The following KAZN variants were observed in gnomAD, a reference collection of about 807,000 sequenced individuals.
KAZN encodes the protein kazrin.
KAZN carries 40 observed loss-of-function variants against 87.4 expected under a neutral mutation model. That is an observed-to-expected ratio of 0.46 (90% CI 0.36 to 0.60). The LOEUF is 0.60. Among genes scored for constraint, KAZN ranks in the 20% least tolerant of loss-of-function variants. The pLI is 0.00. For synonymous variants in KAZN, 466 were observed against 458.3 expected, an observed-to-expected ratio of 1.02 and a Z score of -0.22; for missense variants, 898 against 1,073.9, an observed-to-expected ratio of 0.84 and a Z score of 2.29.
At chr1:13,957,091 C>T (rs1641577488) in intron 1 of KAZN, among the ~76,000 whole-genome samples, 1 of 152,066 alleles carries the variant, frequency 6.6e-6, no homozygotes, top group African/African-American at 2.4e-5. Context: ...AGAAGAAATC[C>T]TGCCTTGTGT....
rs146979118 is a variant in KAZN, at chr1:14,708,108, C to G, written c.226+108885C>G. Among the ~76,000 whole-genome samples the G allele has an allele frequency of 4.7e-3, 720 of 152,278 alleles. 4 individuals carry two copies. The highest frequency in any genetic ancestry group is 0.016 in the African/African-American group (670 of 41,548). ...GGCTCGGCTTTTGGATTTTCCTCTT[C>G]CCAGAGGTGGATACTTTAGTGATGC... On this transcript the variant is annotated intron_variant, in intron 1 of 14. Coordinates refer to ENST00000376030, the MANE Select transcript of KAZN (RefSeq NM_201628.3).
chr1:15,055,967 G>T (rs966551614), intron 4 of KAZN, 124 bp from the exon 5 acceptor site: 3 of 921,836 alleles, frequency 3.3e-6, no homozygotes, highest in Non-Finnish European at 3.3e-6. Context: ...GCTCGATGCC[G>T]AGCCAGCAAT....
At chr1:15,068,775 C>A (rs577622108) in intron 8 of KAZN, among the ~76,000 whole-genome samples, 1 of 152,038 alleles carries the variant, frequency 6.6e-6, no homozygotes, top group Non-Finnish European at 1.5e-5. Context: ...ATAGTCAGTA[C>A]CCTCAATCTC....
intron 1 of KAZN, among the ~76,000 whole-genome samples, chr1:14,749,638 G>A (rs1644357639): frequency 6.6e-6 from 1 of 152,178 alleles, no homozygotes; most frequent in Non-Finnish European, 1.5e-5. Flanking sequence ...ATTCCCAGTA[G>A]GTTGGTTTTT....
intron 2 of KAZN, among the ~76,000 whole-genome samples, chr1:14,985,135 C>CAA (rs1164946882): frequency 1.2e-5 from 1 of 86,800 alleles, no homozygotes. Context: ...GACTCTGTCT[C>CAA]AAAAAAAAAA....
intron 1 of KAZN, among the ~76,000 whole-genome samples, chr1:14,876,157 G>A (rs1222455313): frequency 6.6e-6 from 1 of 152,242 alleles, no homozygotes; most frequent in Non-Finnish European, 1.5e-5. Flanking sequence ...GCTTGCCGCG[G>A]AGGTGAGAAA....
At chr1:14,568,567 T>C (rs939404794) in intron 2 of KAZN, among the ~76,000 whole-genome samples, 2 of 152,170 alleles carry the variant, frequency 1.3e-5, no homozygotes, top group Admixed American at 6.5e-5. Flanking sequence ...TTCACTATCA[T>C]GAGAACAGCA....
rs776806917 is a variant in KAZN at position 15,094,410 on chromosome 1, G to A, written c.1428+25G>A. On this transcript the variant is annotated intron_variant, in intron 9 of 14. Transcript: ENST00000376030. The surrounding 1 kb of genome is among the most constrained non-coding windows in gnomAD (Gnocchi z 4.5). Reference sequence around the variant, plus strand: ...GGTAGGCAACTCCGGGCCCCCTATGGGATGCCACCCATGCCCTCTGTGAGC... The same window carrying A: ...GGTAGGCAACTCCGGGCCCCCTATGAGATGCCACCCATGCCCTCTGTGAGC... 4 of 1,593,944 alleles carry A rather than the reference G, an allele frequency of 2.5e-6. No homozygotes were observed. Among genetic ancestry groups the A allele is most frequent in the South Asian group, 2.3e-5 (2 of 88,724 alleles).
At chr1:14,213,898 C>T (rs182608409) in intron 2 of KAZN, among the ~76,000 whole-genome samples, 19 of 152,196 alleles carry the variant, frequency 1.2e-4, no homozygotes, top group Admixed American at 2.0e-4. Context: ...AGAACCAACA[C>T]GATTTACTGA....
At chr1:14,907,275 G>A (rs137998402) in intron 1 of KAZN, among the ~76,000 whole-genome samples, 360 of 151,810 alleles carry the variant, frequency 2.4e-3, no homozygotes, top group African/African-American at 8.1e-3. Flanking sequence ...GGTGGTGCAC[G>A]CTTGTAGTCC....
intron 2 of KAZN, among the ~76,000 whole-genome samples, chr1:14,415,062 A>G (rs1183882472): frequency 6.6e-6 from 1 of 152,220 alleles, no homozygotes. Flanking sequence ...CATACAAAAA[A>G]GGAACACAGA....
intron 1 of KAZN, among the ~76,000 whole-genome samples, chr1:14,946,494 C>T (rs775893191): frequency 5.3e-5 from 8 of 152,150 alleles, no homozygotes; most frequent in Admixed American, 2.6e-4. Context: ...CCTGCCACCA[C>T]GCTTGGCTAA....
intron 2 of KAZN, among the ~76,000 whole-genome samples, chr1:14,475,539 G>C (rs1352433375): frequency 6.6e-6 from 1 of 152,154 alleles, no homozygotes; most frequent in Non-Finnish European, 1.5e-5. Flanking sequence ...CAGACTCAGA[G>C]ACTTCACTAA....
intron 2 of KAZN, among the ~76,000 whole-genome samples, chr1:14,203,236 G>C (rs1284194712): frequency 6.6e-6 from 1 of 152,126 alleles, no homozygotes; most frequent in Admixed American, 6.5e-5. Flanking sequence ...GAAGAGTGGA[G>C]TGCGAGAGGA....
chr1:15,019,306 C>A (rs1281101941), intron 2 of KAZN, among the ~76,000 whole-genome samples: 1 of 152,200 alleles, frequency 6.6e-6, no homozygotes, highest in Non-Finnish European at 1.5e-5. Flanking sequence ...GGCTCAGAAC[C>A]AGACCCACCC....
At chr1:13,999,906 A>G (rs1639704253) in intron 1 of KAZN, among the ~76,000 whole-genome samples, 1 of 152,230 alleles carries the variant, frequency 6.6e-6, no homozygotes, top group Non-Finnish European at 1.5e-5. Context: ...GCATCAGAGA[A>G]TACTATAAAA....
chr1:14,694,723 A>G (rs560098312), intron 1 of KAZN, among the ~76,000 whole-genome samples: 11 of 152,332 alleles, frequency 7.2e-5, no homozygotes, highest in Middle Eastern at 6.8e-3. Flanking sequence ...TTTCACCTCC[A>G]TGAGCCTCAG....
chr1:14,396,678 ATCC>A, intron 2 of KAZN, among the ~76,000 whole-genome samples: 1 of 152,222 alleles, frequency 6.6e-6, no homozygotes. Flanking sequence ...GGCCAGTGTT[ATCC>A]TCATCTTACC....
chr1:14,836,820 C>T (rs1395305249), intron 1 of KAZN, among the ~76,000 whole-genome samples: 4 of 152,140 alleles, frequency 2.6e-5, no homozygotes, highest in Admixed American at 6.5e-5. Flanking sequence ...AGACCTCCAT[C>T]AATGAATTTG....
Sources: allele counts gnomAD v4.1 joint callset (sites outside exome capture counted in the v4.1 genomes callset), GRCh38; gene constraint gnomAD v4.1.1; non-coding constraint Gnocchi (gnomAD v3.1); transcripts MANE v1.5; gene names NCBI Gene and HGNC (gene_info 2026-07-23, HGNC 2026-07-21).